RBPMS: variants seen among roughly 807,000 people sequenced by gnomAD.
RBPMS encodes RNA binding protein, mRNA processing factor, also known as RNA-binding protein with multiple splicing.
In RBPMS, 7 loss-of-function variants were observed where a neutral mutation model predicts 26.8. The observed-to-expected ratio is 0.26, with a 90% confidence interval of 0.15 to 0.49. The LOEUF (loss-of-function observed/expected upper bound fraction) is 0.49. Among genes scored for constraint, RBPMS ranks in the 20% least tolerant of loss-of-function variants. RBPMS has a pLI of 0.98. For synonymous variants in RBPMS, 96 were observed against 93.3 expected, an observed-to-expected ratio of 1.03 and a Z score of -0.17; for missense variants, 186 against 250.0, an observed-to-expected ratio of 0.74 and a Z score of 1.73.
At chr8:30,458,432 G>A (rs751970309) in intron 1 of RBPMS, among the ~76,000 whole-genome samples, 11 of 152,276 alleles carry the variant, frequency 7.2e-5, no homozygotes, top group Admixed American at 5.9e-4. Flanking sequence ...TGACACTAAA[G>A]CACTCATTTA....
At chr8:30,481,146 A>AC (rs770612961) in intron 4 of RBPMS, among the ~76,000 whole-genome samples, 12 of 152,176 alleles carry the variant, frequency 7.9e-5, no homozygotes, top group Non-Finnish European at 1.5e-4. Context: ...TTAAAGAATA[A>AC]AGACATGGTG....
intron 1 of RBPMS, among the ~76,000 whole-genome samples, chr8:30,466,269 T>C (rs1384109948): frequency 6.6e-6 from 1 of 152,236 alleles, no homozygotes; most frequent in African/African-American, 2.4e-5. Context: ...TAAAATAGCC[T>C]AGGTGTGATA....
chr8:30,549,766 CTTTTCT>C (rs1289951521), intron 6 of RBPMS, among the ~76,000 whole-genome samples: 11 of 111,546 alleles, frequency 9.9e-5, no homozygotes, highest in African/African-American at 3.9e-4. Context: ...CTTTTCTTTT[CTTTTCT>C]TCTCTCTCTC....
At chr8:30,419,236 G>C (rs1041502229) in intron 1 of RBPMS, among the ~76,000 whole-genome samples, 1 of 152,044 alleles carries the variant, frequency 6.6e-6, no homozygotes, top group Non-Finnish European at 1.5e-5. Context: ...ACCTGAGGTT[G>C]GGTGTTCAAG....
chr8:30,456,590 A>G (rs1222996285), intron 1 of RBPMS, among the ~76,000 whole-genome samples: 1 of 152,160 alleles, frequency 6.6e-6, no homozygotes, highest in South Asian at 2.1e-4. Flanking sequence ...TTATATTTAG[A>G]ATATTTGGAA....
chr8:30,522,149 T>C (rs187199411), intron 5 of RBPMS, among the ~76,000 whole-genome samples: 4 of 152,178 alleles, frequency 2.6e-5, no homozygotes, highest in Admixed American at 2.6e-4. Context: ...AAACGTCACA[T>C]TGAGTCAGGG....
intron 1 of RBPMS, among the ~76,000 whole-genome samples, chr8:30,469,986 G>A (rs1052510683): frequency 3.9e-5 from 6 of 152,156 alleles, no homozygotes; most frequent in Admixed American, 3.9e-4. Context: ...TATGAATTCA[G>A]TAGGCTTAGC....
intron 5 of RBPMS, among the ~76,000 whole-genome samples, chr8:30,529,964 A>G (rs1585779332): frequency 6.6e-6 from 1 of 152,266 alleles, no homozygotes; most frequent in South Asian, 2.1e-4. Context: ...CGTGTTGCCC[A>G]GGTTGATCTC....
chr8:30,463,926 A>C (rs1026021047), intron 1 of RBPMS, among the ~76,000 whole-genome samples: 5 of 152,178 alleles, frequency 3.3e-5, no homozygotes, highest in Non-Finnish European at 7.4e-5. Flanking sequence ...AGGTGGGTGG[A>C]TCACTTGATC....
At chr8:30,540,032 G>A (rs1825220207) in intron 5 of RBPMS, among the ~76,000 whole-genome samples, 1 of 152,222 alleles carries the variant, frequency 6.6e-6, no homozygotes, top group Non-Finnish European at 1.5e-5. Flanking sequence ...GACTGGGGAG[G>A]TGCAGGATGT....
intron 1 of RBPMS, among the ~76,000 whole-genome samples, chr8:30,451,689 AAGAATAGAGAAAAATG>A (rs1814606792): frequency 6.6e-6 from 1 of 152,162 alleles, no homozygotes; most frequent in Non-Finnish European, 1.5e-5. Flanking sequence ...ATATACTGCT[AAGAATAGAGAAAAATG>A]AGAAACTAGA....
chr8:30,565,385 A>G (rs929328203), intron 7 of RBPMS: 3 of 152,206 alleles, frequency 2.0e-5, no homozygotes, highest in Non-Finnish European at 4.4e-5. Context: ...AGTCCGCAGC[A>G]GTATGTTATG....
intron 4 of RBPMS, among the ~76,000 whole-genome samples, chr8:30,495,246 T>C (rs1324462608): frequency 6.6e-6 from 1 of 152,162 alleles, no homozygotes; most frequent in African/African-American, 2.4e-5. Flanking sequence ...TTATTGCGTT[T>C]TATGGAACAT....
chr8:30,410,608 A>C (rs1476420960), intron 1 of RBPMS, among the ~76,000 whole-genome samples: 1 of 152,058 alleles, frequency 6.6e-6, no homozygotes, highest in African/African-American at 2.4e-5. Flanking sequence ...AAATATAAAT[A>C]AAATTAACTG....
At chr8:30,465,925 G>A (rs935853609) in intron 1 of RBPMS, among the ~76,000 whole-genome samples, 3 of 152,174 alleles carry the variant, frequency 2.0e-5, no homozygotes, top group Non-Finnish European at 2.9e-5. Context: ...CTTGCTGTCC[G>A]TATTCTCTGA....
chr8:30,480,140 A>T (rs553839346), intron 4 of RBPMS, among the ~76,000 whole-genome samples: 1 of 152,234 alleles, frequency 6.6e-6, no homozygotes, highest in Non-Finnish European at 1.5e-5. Context: ...GGCTGGCTCC[A>T]TCATGCTCTA....
rs753001749 is a variant in RBPMS at position 30,562,327 on chromosome 8, G to GAA, written c.*7+3387_*7+3388dup. Among the ~76,000 whole-genome samples the GAA allele has an allele frequency of 1.5e-3, 160 of 103,338 alleles. 1 individual carries two copies. The highest frequency in any genetic ancestry group is 7.2e-3 in the South Asian group (21 of 2,930). 67.8% of individuals were successfully genotyped at this position (103,338 alleles called of 152,430 possible). A position where few individuals can be genotyped will look rare whatever the true frequency, so the allele number is the denominator to read the frequency against. On this transcript the variant is annotated intron_variant, in intron 7 of 8. Transcript: ENST00000397323. ...GCCTGGGCGACAGAGCAAGACTGTC[G>GAA]AAAAAAAAAAAAAAAAAGAGTATGT... is the stretch of plus-strand genomic sequence containing the variant.
At chr8:30,475,535 G>A (rs539778488) in intron 2 of RBPMS, among the ~76,000 whole-genome samples, 2 of 152,190 alleles carry the variant, frequency 1.3e-5, no homozygotes, top group Non-Finnish European at 2.9e-5. Flanking sequence ...TCTTAAGTTG[G>A]TCAGTGTGGA....
intron 5 of RBPMS, among the ~76,000 whole-genome samples, chr8:30,515,610 A>G (rs1439524321): frequency 6.6e-6 from 1 of 152,198 alleles, no homozygotes; most frequent in Admixed American, 6.5e-5. Flanking sequence ...TTTTTTCTAA[A>G]TATGTAGATT....
Sources: allele counts gnomAD v4.1 joint callset (sites outside exome capture counted in the v4.1 genomes callset), GRCh38; gene constraint gnomAD v4.1.1; transcripts MANE v1.5; gene names NCBI Gene and HGNC (gene_info 2026-07-23, HGNC 2026-07-21).